The following LRIG1 variants were observed in gnomAD, a reference collection of about 807,000 sequenced individuals.
LRIG1 encodes leucine rich repeats and immunoglobulin like domains 1.
A neutral mutation model predicts 99.2 loss-of-function variants in LRIG1; 48 were observed. The observed-to-expected ratio is 0.48, with a 90% confidence interval of 0.38 to 0.62. The LOEUF is 0.62. Ranked by LOEUF, LRIG1 falls within the 20% of genes least tolerant of loss-of-function variation. The probability of loss-of-function intolerance (pLI) is 0.00; values close to 1 mark genes in which losing one functional copy is unlikely to be tolerated. For missense variants in LRIG1, 1,646 were observed against 1,434.4 expected (o/e 1.15, Z -2.38); for synonymous variants, 772 against 596.1 (o/e 1.29, Z -4.30).
intron 7 of LRIG1, among the ~76,000 whole-genome samples, chr3:66,408,141 T>G (rs1429592739): frequency 1.3e-5 from 2 of 152,222 alleles, no homozygotes; most frequent in Non-Finnish European, 2.9e-5. Flanking sequence ...CCAGCACTCC[T>G]GCACCTCTGG....
intron 1 of LRIG1, among the ~76,000 whole-genome samples, chr3:66,467,357 A>ATTT (rs11360909): frequency 7.0e-5 from 7 of 99,938 alleles, no homozygotes; most frequent in African/African-American, 1.1e-4. Context: ...CACACTAGCT[A>ATTT]TTTTTTTTTT....
chr3:66,405,875 G>T, intron 8 of LRIG1: 1 of 1,084,234 alleles, frequency 9.2e-7, no homozygotes, highest in Non-Finnish European at 1.1e-6. Flanking sequence ...GGATCAGAGG[G>T]ATGAGGCCAA....
intron 8 of LRIG1, chr3:66,406,315 G>C: frequency 1.0e-6 from 1 of 985,562 alleles, no homozygotes; most frequent in Non-Finnish European, 1.2e-6. Flanking sequence ...CTGTGGCTTT[G>C]TGTGCCTGTC....
rs1230881409 is a variant in LRIG1 at position 66,412,890 on chromosome 3, G to A, written c.772C>T (p.Leu258=). The A allele has an allele frequency of 6.2e-7, 1 of 1,614,178 alleles. No homozygotes were observed. The highest frequency in any genetic ancestry group is 1.3e-5 in the African/African-American group (1 of 75,050). The part of the protein sequence containing the change: ...SKLTDGAFWG[L]SKMHVLHLEY... The stretch of plus-strand genomic sequence containing the variant: ...ACTTACAGCACATGCATCTTGGACA[G>A]TCCCCAGAAGGCCCCATCTGTCAGT... Residue 258 remains leucine, a synonymous_variant, in exon 6 of 19, where the codon CTG becomes TTG. Coordinates refer to ENST00000273261, the MANE Select transcript of LRIG1 (RefSeq NM_015541.3).
At chr3:66,498,732 G>C (rs1030592748) in intron 1 of LRIG1, among the ~76,000 whole-genome samples, 23 of 152,190 alleles carry the variant, frequency 1.5e-4, no homozygotes, top group Non-Finnish European at 2.1e-4. Context: ...TTCCACAGAA[G>C]AAGTAGATAT....
intron 1 of LRIG1, among the ~76,000 whole-genome samples, chr3:66,486,028 T>C (rs1215455006): frequency 1.3e-5 from 2 of 152,196 alleles, no homozygotes; most frequent in Non-Finnish European, 1.5e-5. Flanking sequence ...AACTGGCAAG[T>C]GCTAGACTCT....
rs1244406369 is a variant in LRIG1, at chr3:66,382,344, A to C, written c.2546T>G (p.Leu849Arg). The change falls in exon 16 of 19, where the codon CTT becomes CGT. Residue 849 changes from leucine to arginine, a missense_variant. Transcript: ENST00000273261. ...VPSYLSSQGT[L>R]SDRQETVVRT... ...GACCACGGTTTCTTGTCGGTCAGAA[A>C]GGGTCCCCTGAGAAGAGAGGTAGCT... is the stretch of plus-strand genomic sequence containing the variant. 1 of 1,614,196 alleles carries C rather than the reference A, an allele frequency of 6.2e-7. No homozygotes were observed.
chr3:66,441,248 T>C (rs1471348318), intron 3 of LRIG1, among the ~76,000 whole-genome samples: 1 of 152,160 alleles, frequency 6.6e-6, no homozygotes, highest in East Asian at 1.9e-4. Flanking sequence ...AACTGGCACC[T>C]TTATTTCAGC....
chr3:66,446,752 A>G (rs1703741640), intron 3 of LRIG1, among the ~76,000 whole-genome samples: 1 of 152,080 alleles, frequency 6.6e-6, no homozygotes, highest in Non-Finnish European at 1.5e-5. Flanking sequence ...AAGAGGTCAC[A>G]GCAAAATATA....
chr3:66,414,837 G>A, intron 5 of LRIG1, 83 bp downstream of exon 5: 1 of 1,311,854 alleles, frequency 7.6e-7, no homozygotes. Flanking sequence ...GGAAAGGGTG[G>A]CGTTTGGTAC....
chr3:66,490,645 T>TA (rs34698702), intron 1 of LRIG1, among the ~76,000 whole-genome samples: 3 of 151,534 alleles, frequency 2.0e-5, no homozygotes, highest in African/African-American at 7.3e-5. Flanking sequence ...CCCCATAATT[T>TA]AAAAAAAAAA....
Position 66,382,288 on chromosome 3 carries a change from G to C in LRIG1, c.2602C>G (p.His868Asp). ...RTEGGPQANG[H>D]IESNGVCPRD... ...GAGGCCTTACCATTGCTCTCAATGT[G>C]CCCATTGGCCTGAGGGCCACCCTCG... is the stretch of plus-strand genomic sequence containing the variant. Residue 868 changes from histidine to aspartate, a missense_variant, in exon 16 of 19, where the codon CAC becomes GAC. His to Asp is a moderately conservative substitution (Grantham distance 81). Transcript: ENST00000273261. 1 of 1,614,162 alleles carries C rather than the reference G, an allele frequency of 6.2e-7. No homozygotes were observed. The highest frequency in any genetic ancestry group is 8.5e-7 in the Non-Finnish European group (1 of 1,180,018).
intron 3 of LRIG1, among the ~76,000 whole-genome samples, chr3:66,426,691 T>C (rs1702991386): frequency 6.6e-6 from 1 of 152,210 alleles, no homozygotes; most frequent in African/African-American, 2.4e-5. Context: ...CCAGGTTCCT[T>C]ACTGGAGCCA....
At chr3:66,395,703 G>A (rs116212924) in intron 11 of LRIG1, among the ~76,000 whole-genome samples, 2,102 of 152,340 alleles carry the variant, frequency 0.014, 28 homozygotes, top group South Asian at 0.027. Flanking sequence ...CGGAAGGGCT[G>A]TAACGGCCAT....
intron 9 of LRIG1, among the ~76,000 whole-genome samples, chr3:66,399,828 A>G (rs747390600): frequency 3.3e-5 from 5 of 152,184 alleles, no homozygotes; most frequent in Non-Finnish European, 5.9e-5. Flanking sequence ...GCATTCTGGG[A>G]ATAAAGCTTC....
chr3:66,412,167 A>G (rs1417483388), intron 6 of LRIG1, among the ~76,000 whole-genome samples: 1 of 152,204 alleles, frequency 6.6e-6, no homozygotes, highest in Non-Finnish European at 1.5e-5. Flanking sequence ...TCCCTTGATA[A>G]AACTTAAACA....
chr3:66,476,613 T>G (rs150335571), intron 1 of LRIG1, among the ~76,000 whole-genome samples: 1 of 152,324 alleles, frequency 6.6e-6, no homozygotes, highest in East Asian at 1.9e-4. Context: ...GGCCTCTTCC[T>G]GCGAGACACA....
At chr3:66,383,854 C>G in intron 14 of LRIG1, 137 bp downstream of exon 14, 3 of 1,300,584 alleles carry the variant, frequency 2.3e-6, no homozygotes, top group Non-Finnish European at 3.1e-6. Context: ...TAACTCAACT[C>G]AAAAAGCAGC....
intron 3 of LRIG1, among the ~76,000 whole-genome samples, chr3:66,429,416 G>A (rs1271265800): frequency 6.6e-6 from 1 of 152,194 alleles, no homozygotes; most frequent in Non-Finnish European, 1.5e-5. Flanking sequence ...ATAAACAAGA[G>A]CAGCAGCAAA....
Sources: allele counts gnomAD v4.1 joint callset (sites outside exome capture counted in the v4.1 genomes callset), GRCh38; gene constraint gnomAD v4.1.1; transcripts MANE v1.5; gene names NCBI Gene and HGNC (gene_info 2026-07-23, HGNC 2026-07-21).